PHF1: variants seen among roughly 807,000 people sequenced by gnomAD.
The protein encoded by PHF1 is PHD finger protein 1, also known as polycomb-like 1.
In PHF1, 16 loss-of-function variants were observed where a neutral mutation model predicts 69.4. The observed-to-expected ratio is 0.23, with a 90% CI of 0.16 to 0.35. The LOEUF is 0.35. Among genes scored for constraint, PHF1 ranks in the 10% least tolerant of loss-of-function variants. PHF1 has a pLI of 1.00. For synonymous variants in PHF1, 274 were observed against 275.0 expected (o/e 1.00, Z 0.04); for missense variants, 515 against 732.8 (o/e 0.70, Z 3.43).
chr6:33,412,121 C>G lies in PHF1; in HGVS notation c.-16-127C>G. On this transcript the variant is annotated intron_variant, in intron 1 of 14. Coordinates refer to ENST00000374516, the MANE Select transcript of PHF1 (RefSeq NM_024165.3). This position sits in a 1 kb window ranked among gnomAD's most constrained non-coding sequence, Gnocchi z 4.2. ...AGGTTGCAGTGAGCCAAGATTGTGC[C>G]ACTGCACTCTGGCCTGGGCGACAGA... The G allele has an allele frequency of 1.4e-6, 1 of 703,680 alleles. No individual in the cohort carries two copies. The highest frequency in any genetic ancestry group is 2.3e-6 in the Non-Finnish European group (1 of 425,848). 43.6% of individuals were successfully genotyped at this position (703,680 alleles called of 1,614,324 possible). A position where few individuals can be genotyped will look rare whatever the true frequency, so the allele number is the denominator to read the frequency against.
At position 33,416,250 on chromosome 6, in the gene PHF1, G is replaced by A; in HGVS notation, c.*152G>A. On this transcript the variant is annotated 3_prime_UTR_variant, in exon 15 of 15. Coordinates refer to ENST00000374516, the MANE Select transcript of PHF1 (RefSeq NM_024165.3). ...GAATCCAAGAGTGGGGAGTGGGGAA[G>A]AGGCCCTCTTCTCTACCCTCCTTCA... is the stretch of plus-strand genomic sequence containing the variant. 1 of 569,528 alleles carries A rather than the reference G, an allele frequency of 1.8e-6. No individual in the cohort carries two copies. Among genetic ancestry groups the A allele is most frequent in the South Asian group, 3.5e-5 (1 of 28,932 alleles). 35.3% of individuals were successfully genotyped at this position (569,528 alleles called of 1,614,324 possible). A position where few individuals can be genotyped will look rare whatever the true frequency, so the allele number is the denominator to read the frequency against.
At chr6:33,413,681 G>T (rs758084721) in intron 6 of PHF1, 55 bp from the exon 7 acceptor site, 43 of 1,601,156 alleles carry the variant, frequency 2.7e-5, no homozygotes, top group Admixed American at 5.0e-5. Flanking sequence ...TAGGGTTTGG[G>T]ACAGTTATGG....
rs546629516 is a variant in PHF1 at position 33,416,145 on chromosome 6, C to T, written c.*47C>T. 2 of 1,469,120 alleles carry T rather than the reference C, an allele frequency of 1.4e-6. No homozygotes were observed. Among genetic ancestry groups the T allele is most frequent in the South Asian group, 2.7e-5 (2 of 73,630 alleles). The allele number at this position is 1,469,120 out of a possible 1,614,324, so 91.0% of individuals were successfully genotyped here. A position where few individuals can be genotyped will look rare whatever the true frequency, so the allele number is the denominator to read the frequency against. On this transcript the variant is annotated 3_prime_UTR_variant, in exon 15 of 15. Coordinates refer to ENST00000374516, the MANE Select transcript of PHF1 (RefSeq NM_024165.3). The stretch of plus-strand genomic sequence containing the variant: ...CCCCATTCACACACACCGGCACTTT[C>T]ATACCCTGACCTCTGACCTCACCTA...
At chr6:33,413,333 C>T (rs1329929984) in intron 5 of PHF1, 37 bp downstream of exon 5, 1 of 1,610,178 alleles carries the variant, frequency 6.2e-7, no homozygotes, top group Non-Finnish European at 8.5e-7. Flanking sequence ...CTGTGGGAGC[C>T]TCCCATCCAC....
rs773209180 is a variant in PHF1, at chr6:33,415,831, T to G, written c.1437T>G (p.Ile479Met). 10 of 1,599,928 alleles carry G rather than the reference T, an allele frequency of 6.3e-6. No individual in the cohort carries two copies. The highest frequency in any genetic ancestry group is 1.3e-5 in the African/African-American group (1 of 74,626). The change falls in exon 15 of 15, where the codon ATT becomes ATG. Residue 479 changes from isoleucine (I) to methionine (M), a missense_variant. Transcript: ENST00000374516. Reference sequence around the variant, plus strand: ...CTAGGTCACCCCTGGAACTTCACATTGGTTTCCCCACAGACATCCCTAAAA... The same window carrying G: ...CTAGGTCACCCCTGGAACTTCACATGGGTTTCCCCACAGACATCCCTAAAA... ...PPDRSPLELH[I>M]GFPTDIPKSA...
rs1454779217 is a variant in PHF1 at position 33,412,401 on chromosome 6, A to T, written c.138A>T (p.Leu46=). ...DVLARWTDGL[L]YLGTIKKVDS... The stretch of plus-strand genomic sequence containing the variant: ...TGGCCAGATGGACTGATGGGCTGCT[A>T]TACTTGGGTACCATCAAAAAGGTAA... The change falls in exon 2 of 15, where the codon CTA becomes CTT. Residue 46 remains leucine (L), a synonymous_variant. Coordinates refer to ENST00000374516, the MANE Select transcript of PHF1 (RefSeq NM_024165.3). This position sits in a 1 kb window ranked among gnomAD's most constrained non-coding sequence, Gnocchi z 4.2. 1 of 1,614,192 alleles carries T rather than the reference A, an allele frequency of 6.2e-7. No homozygotes were observed. Among genetic ancestry groups the T allele is most frequent in the Admixed American group, 1.7e-5 (1 of 60,026 alleles).
Position 33,413,827 on chromosome 6 carries a change from G to A in PHF1, c.679G>A (p.Asp227Asn). The change falls in exon 7 of 15, where the codon GAC (aspartate) becomes AAC (asparagine). Residue 227 changes from aspartate to asparagine, a missense_variant. Coordinates refer to ENST00000374516, the MANE Select transcript of PHF1 (RefSeq NM_024165.3). ...QCLSKPLLYG[D>N]RFYEFECCVC... is the part of the protein sequence containing the mutation. ...TCTGAGCAAGCCCCTCCTCTATGGG[G>A]ACAGGTGAGACCAAGGCAGACTCTC... The A allele has an allele frequency of 6.2e-7, 1 of 1,613,262 alleles. No individual in the cohort carries two copies. The highest frequency in any genetic ancestry group is 8.5e-7 in the Non-Finnish European group (1 of 1,179,474).
chr6:33,411,882 G>T (rs1360551869), intron 1 of PHF1, among the ~76,000 whole-genome samples: 1 of 152,150 alleles, frequency 6.6e-6, no homozygotes, highest in Non-Finnish European at 1.5e-5. Context: ...GGGGAGGCTG[G>T]CCGGGCCCGG....
intron 7 of PHF1, 72 bp from the exon 8 acceptor site, chr6:33,413,969 G>A: frequency 3.8e-6 from 6 of 1,595,008 alleles, no homozygotes; most frequent in Non-Finnish European, 8.6e-7. Context: ...CCCCGTCCTT[G>A]CTTGTGAGTC....
rs1218268270 is a variant in PHF1 at position 33,415,913 on chromosome 6, C to T, written c.1519C>T (p.Leu507Phe). 1.2e-6 allele frequency: 2 copies of T among 1,613,984 alleles called. No homozygotes were observed. Among genetic ancestry groups the T allele is most frequent in the Non-Finnish European group, 1.7e-6 (2 of 1,179,980 alleles). The stretch of plus-strand genomic sequence containing the variant: ...CTCAGTTTCATCCCCATCCCCAGGT[C>T]TTCCTAGACGCTCAGCACCCCCTTC... ...SSSVSSPSPGLPRRSAPPSPL... is the reference protein window; with the variant it reads ...SSSVSSPSPGFPRRSAPPSPL... Residue 507 changes from leucine to phenylalanine, a missense_variant, in exon 15 of 15, where the codon CTT (leucine) becomes TTT (phenylalanine). Coordinates refer to ENST00000374516, the MANE Select transcript of PHF1 (RefSeq NM_024165.3).
At position 33,412,567 on chromosome 6, in the gene PHF1, T is replaced by C; in HGVS notation, c.219T>C (p.Val73=). 1 of 1,614,222 alleles carries C rather than the reference T, an allele frequency of 6.2e-7. No homozygotes were observed. The highest frequency in any genetic ancestry group is 1.7e-5 in the Admixed American group (1 of 60,030). Residue 73 remains valine, a synonymous_variant, in exon 3 of 15, where the codon GTT becomes GTC. Transcript: ENST00000374516. This position sits in a 1 kb window ranked among gnomAD's most constrained non-coding sequence, Gnocchi z 4.2. ...VQFEDDSQFL[V]LWKDISPAAL... is the part of the protein sequence containing the mutation. ...TTGAGGATGATTCGCAGTTTCTGGT[T>C]CTATGGAAAGACATTAGCCCTGGTA...
At position 33,415,040 on chromosome 6, in the gene PHF1, A is replaced by C. The variant is rs368520939; in HGVS notation, c.1135A>C (p.Arg379=). ...GCCGGAGCCAGAGCCCCTGAGGAGG[A>C]GGCAGAAGGGGAAAGTGGAGGAGCT... ...RRPEPEPLRR[R]QKGKVEELGP... Residue 379 remains arginine, a synonymous_variant, in exon 12 of 15, where the codon AGG becomes CGG. Transcript: ENST00000374516. 1.1e-5 allele frequency: 18 copies of C among 1,592,828 alleles called. No individual in the cohort carries two copies. The African/African-American group carries it at 1.8e-4, about 16-fold the overall frequency.
At chr6:33,415,449 C>A in intron 13 of PHF1, 120 bp downstream of exon 13, 1 of 1,224,606 alleles carries the variant, frequency 8.2e-7, no homozygotes, top group Non-Finnish European at 1.2e-6. Context: ...TGGCCTAGAC[C>A]GACTTCTAGA....
At chr6:33,415,209 T>C in intron 12 of PHF1, 26 bp from the exon 13 acceptor site, 1 of 1,611,508 alleles carries the variant, frequency 6.2e-7, no homozygotes, top group Non-Finnish European at 8.5e-7. Context: ...AAGGATTATC[T>C]CTCAGTCCTT....
rs1304427577 is a variant in PHF1, at chr6:33,412,447, C to T, written c.159+25C>T. The T allele has an allele frequency of 8.1e-6, 13 of 1,614,162 alleles. No individual in the cohort carries two copies. The highest frequency in any genetic ancestry group is 9.3e-6 in the Non-Finnish European group (11 of 1,179,962). On this transcript the variant is annotated intron_variant, in intron 2 of 14. Coordinates refer to ENST00000374516, the MANE Select transcript of PHF1 (RefSeq NM_024165.3). The surrounding 1 kb of genome is among the most constrained non-coding windows in gnomAD (Gnocchi z 4.2). ...GGTAAGACCTTCTACCTCTGACCTT[C>T]TTCCTAGTTCCCTTATCTAATTCTG...
At position 33,412,599 on chromosome 6, in the gene PHF1, T is replaced by TA; in HGVS notation, c.241+11dup. ...AAAGACATTAGCCCTGGTAAGACTCTAGAGACCTGAGATTGCACATCCCAT... is the reference window on the plus strand; with the variant it reads ...AAAGACATTAGCCCTGGTAAGACTCTAAGAGACCTGAGATTGCACATCCCAT... On this transcript the variant is annotated intron_variant, in intron 3 of 14. Coordinates refer to ENST00000374516, the MANE Select transcript of PHF1 (RefSeq NM_024165.3). This position sits in a 1 kb window ranked among gnomAD's most constrained non-coding sequence, Gnocchi z 4.2. 3 of 1,613,934 alleles carry TA rather than the reference T, an allele frequency of 1.9e-6. No homozygotes were observed. Among genetic ancestry groups the TA allele is most frequent in the Non-Finnish European group, 2.5e-6 (3 of 1,179,770 alleles).
chr6:33,413,326 T>C (rs965547816), intron 5 of PHF1, 30 bp downstream of exon 5: 2 of 1,610,936 alleles, frequency 1.2e-6, no homozygotes. Flanking sequence ...ACCCTTCCTG[T>C]GGGAGCCTCC....
At position 33,414,996 on chromosome 6, in the gene PHF1, C is replaced by A; in HGVS notation, c.1091C>A (p.Pro364His). Reference sequence around the variant, plus strand: ...GGCCCTGGGGGAGGGGTCTCACGTCCCCTGGGGAAGCGCCGGAGGCCGGAG... The same window carrying A: ...GGCCCTGGGGGAGGGGTCTCACGTCACCTGGGGAAGCGCCGGAGGCCGGAG... ...GQGPGGGVSR[P>H]LGKRRRPEPE... The change falls in exon 12 of 15, where the codon CCC becomes CAC. Residue 364 changes from proline to histidine, a missense_variant. Coordinates refer to ENST00000374516, the MANE Select transcript of PHF1 (RefSeq NM_024165.3). This position sits in a 1 kb window ranked among gnomAD's most constrained non-coding sequence, Gnocchi z 5.0. 6.4e-7 allele frequency: 1 copy of A among 1,558,762 alleles called. No individual in the cohort carries two copies. The highest frequency in any genetic ancestry group is 8.7e-7 in the Non-Finnish European group (1 of 1,151,752).
rs1233052009 is a variant in PHF1 at position 33,412,714 on chromosome 6, G to A, written c.258G>A (p.Glu86=). ...CTCTCACAGCTGCCCTCCCTGGAGA[G>A]GAACTCCTCTGTTGTGTCTGTCGCT... ...KDISPAALPG[E]ELLCCVCRSE... is the part of the protein sequence containing the mutation. The change falls in exon 4 of 15, where the codon GAG becomes GAA. Residue 86 remains glutamate (E), a synonymous_variant. Coordinates refer to ENST00000374516, the MANE Select transcript of PHF1 (RefSeq NM_024165.3). The surrounding 1 kb of genome is among the most constrained non-coding windows in gnomAD (Gnocchi z 4.2). 1.9e-6 allele frequency: 3 copies of A among 1,614,070 alleles called. No homozygotes were observed. In the African/African-American group the frequency reaches 4.0e-5, roughly 22 times the overall value.
Sources: gnomAD v4.1 joint callset for allele counts (sites outside exome capture counted in the v4.1 genomes callset) on GRCh38, gnomAD v4.1.1 for gene constraint, Gnocchi (gnomAD v3.1) non-coding constraint, MANE v1.5 for transcripts, NCBI Gene and HGNC (gene_info 2026-07-23, HGNC 2026-07-21) for gene names.